Variants in FREM3 observed in about 807,000 individuals in gnomAD.
FREM3 encodes FRAS1-related extracellular matrix protein 3.
FREM3 carries 105 observed loss-of-function variants against 129.1 expected under a neutral mutation model. The ratio of observed to expected loss-of-function variants is 0.81; its 90% CI spans 0.69 to 0.96. FREM3 has a LOEUF of 0.96. FREM3 is among the 40% of genes least tolerant of loss of function. The pLI, the probability that FREM3 is intolerant of heterozygous loss-of-function variation, is 0.00. For synonymous variants in FREM3, 1,014 were observed against 1,044.9 expected (o/e 0.97, Z 0.57); for missense variants, 2,593 against 2,666.3 (o/e 0.97, Z 0.61).
chr4:143,688,252 C>T (rs545987924), intron 2 of FREM3, among the ~76,000 whole-genome samples: 1 of 152,134 alleles, frequency 6.6e-6, no homozygotes, highest in Admixed American at 6.5e-5. Context: ...AAGAACTCAA[C>T]CCCTTTTAAA....
intron 7 of FREM3, among the ~76,000 whole-genome samples, chr4:143,579,085 C>T (rs535748870): frequency 1.3e-5 from 2 of 150,928 alleles, no homozygotes; most frequent in South Asian, 2.1e-4. Flanking sequence ...AAGCGTCTCA[C>T]TCTACTTGTT....
chr4:143,631,289 C>T (rs1739135969), intron 2 of FREM3, among the ~76,000 whole-genome samples: 2 of 152,098 alleles, frequency 1.3e-5, no homozygotes, highest in South Asian at 2.1e-4. Context: ...CAGTTTACTA[C>T]AGGAATAAAC....
At chr4:143,610,671 T>C (rs1285789228) in intron 6 of FREM3, among the ~76,000 whole-genome samples, 3 of 152,208 alleles carry the variant, frequency 2.0e-5, no homozygotes, top group Admixed American at 1.3e-4. Flanking sequence ...TTAAAAGTGC[T>C]CCTTATAGAA....
rs1035217223 is a variant in FREM3, at chr4:143,657,196, A to C, written c.5276-29436T>G. Among the ~76,000 whole-genome samples, 3 of 152,208 alleles carry C rather than the reference A, an allele frequency of 2.0e-5. No homozygotes were observed. In the East Asian group the frequency reaches 5.8e-4, roughly 29 times the overall value. ...TAAACTGTTTCTGCAACACACTCAT[A>C]TTTATCAAGTAACCTATTAATCACA... On this transcript the variant is annotated intron_variant, in intron 2 of 7. Coordinates refer to ENST00000329798, the MANE Select transcript of FREM3 (RefSeq NM_001168235.2).
At chr4:143,618,328 T>A (rs1738885986) in intron 5 of FREM3, among the ~76,000 whole-genome samples, 1 of 151,784 alleles carries the variant, frequency 6.6e-6, no homozygotes, top group African/African-American at 2.4e-5. Context: ...GGTGCACAAC[T>A]CAGACTGCTT....
rs569773058 is a variant in FREM3, at chr4:143,651,645, CT to C, written c.5276-23886del. Among the ~76,000 whole-genome samples, 418 of 152,288 alleles carry C rather than the reference CT, an allele frequency of 2.7e-3. 1 individual carries two copies. Among genetic ancestry groups the C allele is most frequent in the Non-Finnish European group, 4.8e-3 (329 of 68,022 alleles). ...CAACTGAAATGCTATAAGTCGGTTT[CT>C]TTTATTAATGAGTTAATGCGACCCT... is the stretch of plus-strand genomic sequence containing the variant. On this transcript the variant is annotated intron_variant, in intron 2 of 7. Coordinates refer to ENST00000329798, the MANE Select transcript of FREM3 (RefSeq NM_001168235.2).
intron 5 of FREM3, among the ~76,000 whole-genome samples, chr4:143,620,321 G>A (rs1738923975): frequency 6.6e-6 from 1 of 152,156 alleles, no homozygotes; most frequent in Non-Finnish European, 1.5e-5. Context: ...CTGTTGGGGC[G>A]AGTCTCTGCC....
intron 6 of FREM3, among the ~76,000 whole-genome samples, chr4:143,595,820 A>G (rs1457911699): frequency 8.8e-5 from 13 of 147,566 alleles, no homozygotes; most frequent in African/African-American, 2.5e-4. Flanking sequence ...CCTGGGAGGC[A>G]GAGCTTGCAG....
rs1740681053 is a variant in FREM3 at position 143,700,553 on chromosome 4, G to A, written c.123C>T (p.Asp41=). ...GRASSLGTEP[D]PALYLPARGA... is the part of the protein sequence containing the mutation. ...CCCGGGCGGGCAGGTAAAGCGCCGG[G>A]TCGGGCTCGGTCCCAAGTGAGGATG... Residue 41 remains aspartate, a synonymous_variant, in exon 1 of 8, where the codon GAC becomes GAT. Coordinates refer to ENST00000329798, the MANE Select transcript of FREM3 (RefSeq NM_001168235.2). 5 of 1,517,314 alleles carry A rather than the reference G, an allele frequency of 3.3e-6. No homozygotes were observed. The highest frequency in any genetic ancestry group is 4.4e-6 in the Non-Finnish European group (5 of 1,135,848). 94.0% of individuals were successfully genotyped at this position (1,517,314 alleles called of 1,614,324 possible).
Position 143,611,224 on chromosome 4 carries a change from G to A in FREM3, c.6028+55C>T, listed in dbSNP as rs192188482. On this transcript the variant is annotated intron_variant, in intron 6 of 7. Transcript: ENST00000329798. ...TACATTTGCCTTTCAACTGTTGGAG[G>A]AAAGTGTGAGAAGGCAGCTATTGCC... The A allele has an allele frequency of 9.9e-4, 1,485 of 1,493,952 alleles. 1 individual carries two copies. Among genetic ancestry groups the A allele is most frequent in the Non-Finnish European group, 1.0e-3 (1,136 of 1,119,860 alleles). The allele number at this position is 1,493,952 out of a possible 1,614,324, so 92.5% of individuals were successfully genotyped here.
chr4:143,695,818 A>C lies in FREM3; in HGVS notation c.4858T>G (p.Phe1620Val). The C allele has an allele frequency of 6.5e-7, 1 of 1,537,300 alleles. No homozygotes were observed. The highest frequency in any genetic ancestry group is 8.7e-7 in the Non-Finnish European group (1 of 1,146,922). Residue 1620 changes from phenylalanine to valine, a missense_variant, in exon 1 of 8, where the codon TTC becomes GTC. This residue lies in a region of FREM3 where 2,276 missense variants were observed against 2,267.2 expected (regional missense o/e 1.00). Transcript: ENST00000329798. ...HDGSETTEDS[F>V]SLTVTDGTHT... ...GTGCCGTCTGTCACAGTCAAGGAGA[A>C]ACTATCTTCAGTGGTCTCACTGCCG...
intron 6 of FREM3, among the ~76,000 whole-genome samples, chr4:143,589,638 C>T (rs1164523305): frequency 6.6e-6 from 1 of 152,202 alleles, no homozygotes; most frequent in Non-Finnish European, 1.5e-5. Flanking sequence ...GTTTTGGTTA[C>T]TGTAGCCTTG....
At position 143,604,088 on chromosome 4, in the gene FREM3, A is replaced by G. The variant is rs370886103; in HGVS notation, c.6028+7191T>C. ...GTGAGTTCTTGCTGTATGAGTACCCACATGATCTGATTGTTTAAAGAGCCT... is the reference window on the plus strand; with the variant it reads ...GTGAGTTCTTGCTGTATGAGTACCCGCATGATCTGATTGTTTAAAGAGCCT... On this transcript the variant is annotated intron_variant, in intron 6 of 7. Coordinates refer to ENST00000329798, the MANE Select transcript of FREM3 (RefSeq NM_001168235.2). Among the ~76,000 whole-genome samples, 93 of 152,138 alleles carry G rather than the reference A, an allele frequency of 6.1e-4. 1 individual carries two copies. In the East Asian group the frequency reaches 8.7e-3, roughly 14 times the overall value.
Position 143,696,128 on chromosome 4 carries a change from G to C in FREM3, c.4548C>G (p.Ile1516Met), listed in dbSNP as rs1048381340. The C allele has an allele frequency of 1.3e-6, 2 of 1,537,470 alleles. No homozygotes were observed. The highest frequency in any genetic ancestry group is 1.7e-6 in the Non-Finnish European group (2 of 1,146,968). ...TTCTGAACACAGGGTAGAGTTCGCC[G>C]ATCACTTGAAATTCGAAGCTGTCCA... Reference protein sequence around the residue: ...KKMDSFEFQVIGELYPVFRTF... With the variant: ...KKMDSFEFQVMGELYPVFRTF... The change falls in exon 1 of 8, where the codon ATC (isoleucine) becomes ATG (methionine). Residue 1516 changes from isoleucine to methionine, a missense_variant. By Grantham distance (10) the Ile-to-Met change is conservative. This residue lies in a region of FREM3 where 2,276 missense variants were observed against 2,267.2 expected (regional missense o/e 1.00). Transcript: ENST00000329798.
intron 3 of FREM3, among the ~76,000 whole-genome samples, chr4:143,625,132 C>T (rs1025857447): frequency 6.6e-6 from 1 of 152,094 alleles, no homozygotes; most frequent in African/African-American, 2.4e-5. Context: ...ATGTGAGATA[C>T]AATGGTGAAA....
At chr4:143,589,477 G>C (rs1738314314) in intron 6 of FREM3, among the ~76,000 whole-genome samples, 1 of 152,070 alleles carries the variant, frequency 6.6e-6, no homozygotes, top group Admixed American at 6.6e-5. Context: ...AGTTTTCCCA[G>C]CACCATTTAT....
At chr4:143,592,697 G>T (rs957015492) in intron 6 of FREM3, among the ~76,000 whole-genome samples, 1 of 152,006 alleles carries the variant, frequency 6.6e-6, no homozygotes, top group Non-Finnish European at 1.5e-5. Flanking sequence ...TTCAACTTTG[G>T]TGAATCTGAC....
intron 2 of FREM3, among the ~76,000 whole-genome samples, chr4:143,673,665 G>C (rs1296427359): frequency 6.6e-6 from 1 of 152,218 alleles, no homozygotes; most frequent in Non-Finnish European, 1.5e-5. Flanking sequence ...GCTGCCTTTC[G>C]TTCAGCTATG....
rs1351213552 is a variant in FREM3, at chr4:143,577,803, G to T, written c.6228C>A (p.Gly2076=). 2.0e-5 allele frequency: 30 copies of T among 1,537,104 alleles called. No homozygotes were observed. The highest frequency in any genetic ancestry group is 2.5e-5 in the Non-Finnish European group (29 of 1,146,876). The part of the protein sequence containing the change: ...GISRNLDFAP[G]VRMQTFQVTI... ...TCACTTGGAATGTCTGCATGCGCAC[G>T]CCTGGAGCAAAGTCCAGGTTTCGGC... The change falls in exon 8 of 8, where the codon GGC becomes GGA. Residue 2076 remains glycine, a synonymous_variant. Coordinates refer to ENST00000329798, the MANE Select transcript of FREM3 (RefSeq NM_001168235.2).
Sources: gnomAD v4.1 joint callset for allele counts (sites outside exome capture counted in the v4.1 genomes callset) on GRCh38, gnomAD v4.1.1 for gene constraint, gnomAD v4.1.1 regional missense constraint, MANE v1.5 for transcripts, NCBI Gene and HGNC (gene_info 2026-07-23, HGNC 2026-07-21) for gene names.